SPON1: variants seen among roughly 807,000 people sequenced by gnomAD.
The protein encoded by SPON1 is spondin-1.
SPON1 carries 52 observed loss-of-function variants against 111.7 expected under a neutral mutation model. The observed-to-expected ratio is 0.47, with a 90% CI of 0.37 to 0.59. SPON1 has a LOEUF of 0.59. Ranked by LOEUF, SPON1 falls within the 20% of genes least tolerant of loss-of-function variation. The probability of loss-of-function intolerance (pLI) is 0.00; values close to 1 mark genes in which losing one functional copy is unlikely to be tolerated. For synonymous variants in SPON1, 410 were observed against 395.8 expected (o/e 1.04, Z -0.43); for missense variants, 957 against 1,068.5 (o/e 0.90, Z 1.46).
rs569003997 is a variant in SPON1 at position 13,963,223 on chromosome 11, C to A, written c.238+81C>A. The A allele has an allele frequency of 3.8e-5, 43 of 1,133,526 alleles. No individual in the cohort carries two copies. The South Asian group carries it at 6.8e-4, about 18-fold the overall frequency. The allele number at this position is 1,133,526 out of a possible 1,614,324, so 70.2% of individuals were successfully genotyped here. ...CCGACCTCGCGGTGCCGGAGGAGGGCGCGCGGTCTCCGGGCGCGTGGCGCG... is the reference window on the plus strand; with the variant it reads ...CCGACCTCGCGGTGCCGGAGGAGGGAGCGCGGTCTCCGGGCGCGTGGCGCG... On this transcript the variant is annotated intron_variant, in intron 1 of 15. Transcript: ENST00000576479.
chr11:13,981,261 G>A (rs551784117), intron 1 of SPON1, among the ~76,000 whole-genome samples: 3 of 152,292 alleles, frequency 2.0e-5, no homozygotes, highest in Admixed American at 1.3e-4. Context: ...GAGACTGGGG[G>A]TCCAATGGGA....
intron 6 of SPON1, among the ~76,000 whole-genome samples, chr11:14,152,685 A>G (rs562014583): frequency 1.3e-5 from 2 of 152,362 alleles, no homozygotes; most frequent in African/African-American, 4.8e-5. Context: ...ATATGTAACC[A>G]AGAAACACAG....
chr11:14,047,072 G>C (rs11023064), intron 3 of SPON1, among the ~76,000 whole-genome samples: 50,046 of 151,932 alleles, frequency 0.33, 9,156 homozygotes, highest in Non-Finnish European at 0.42. Context: ...GAACTCTCTT[G>C]GTAGTTCTAC....
intron 6 of SPON1, among the ~76,000 whole-genome samples, chr11:14,173,387 C>G (rs894073107): frequency 6.6e-6 from 1 of 152,096 alleles, no homozygotes; most frequent in East Asian, 1.9e-4. Flanking sequence ...TCTAGTTAGC[C>G]ATTCATCTAA....
chr11:14,066,739 G>A (rs1380930338), intron 3 of SPON1, among the ~76,000 whole-genome samples: 2 of 152,152 alleles, frequency 1.3e-5, no homozygotes, highest in Non-Finnish European at 2.9e-5. Flanking sequence ...TCTCTGGGAT[G>A]TAAACTTGAA....
intron 6 of SPON1, among the ~76,000 whole-genome samples, chr11:14,184,060 A>C (rs1347790127): frequency 6.6e-6 from 1 of 152,200 alleles, no homozygotes; most frequent in Admixed American, 6.5e-5. Flanking sequence ...TATGTCAAAC[A>C]TCCAGCCCAC....
At chr11:13,985,199 G>T (rs1394267664) in intron 2 of SPON1, among the ~76,000 whole-genome samples, 2 of 152,132 alleles carry the variant, frequency 1.3e-5, no homozygotes, top group Non-Finnish European at 2.9e-5. Context: ...CCTCTAACAG[G>T]ATGTCGTCCA....
At chr11:14,146,576 C>A (rs1847722077) in intron 6 of SPON1, among the ~76,000 whole-genome samples, 1 of 152,090 alleles carries the variant, frequency 6.6e-6, no homozygotes, top group African/African-American at 2.4e-5. Context: ...CCTCAAAAAT[C>A]CCAGATAATT....
intron 2 of SPON1, among the ~76,000 whole-genome samples, chr11:14,010,572 A>AAGC (rs1186751469): frequency 6.6e-6 from 1 of 152,208 alleles, no homozygotes; most frequent in Non-Finnish European, 1.5e-5. Flanking sequence ...GGCCTAGGCC[A>AAGC]AGCAGGTGAC....
chr11:14,091,669 G>C (rs371944963), intron 5 of SPON1, among the ~76,000 whole-genome samples: 3 of 152,044 alleles, frequency 2.0e-5, no homozygotes, highest in Non-Finnish European at 4.4e-5. Context: ...CAGCTGGCTC[G>C]CAAGTGCCGC....
At chr11:14,168,092 T>C (rs1219019885) in intron 6 of SPON1, among the ~76,000 whole-genome samples, 2 of 152,184 alleles carry the variant, frequency 1.3e-5, no homozygotes, top group East Asian at 1.9e-4. Context: ...CTACATATTA[T>C]ACTGTTAACT....
At chr11:14,244,008 C>T (rs1848960112) in intron 7 of SPON1, among the ~76,000 whole-genome samples, 1 of 152,174 alleles carries the variant, frequency 6.6e-6, no homozygotes, top group Non-Finnish European at 1.5e-5. Flanking sequence ...TTCAAACAAA[C>T]CTGCTGTTCT....
At chr11:14,142,416 C>A (rs946140706) in intron 6 of SPON1, among the ~76,000 whole-genome samples, 1 of 152,192 alleles carries the variant, frequency 6.6e-6, no homozygotes, top group Admixed American at 6.5e-5. Flanking sequence ...CCCAAGCCTG[C>A]CCCTCCTATC....
chr11:14,141,027 C>G (rs528951187), intron 6 of SPON1, among the ~76,000 whole-genome samples: 2 of 126,536 alleles, frequency 1.6e-5, no homozygotes, highest in Admixed American at 7.9e-5. Context: ...GCGTGCCCCC[C>G]CCATGCCCCA....
chr11:14,132,277 CA>C (rs58661236), intron 5 of SPON1, among the ~76,000 whole-genome samples: 53 of 137,770 alleles, frequency 3.8e-4, no homozygotes, highest in Middle Eastern at 3.8e-3. Context: ...GACTCCGTCT[CA>C]AAAAAAAAAA....
chr11:13,998,845 T>G (rs540212078), intron 2 of SPON1, among the ~76,000 whole-genome samples: 2 of 152,384 alleles, frequency 1.3e-5, no homozygotes, highest in African/African-American at 4.8e-5. Context: ...TCTAAAGGTC[T>G]AGAAATCATT....
At chr11:14,041,778 C>A in intron 3 of SPON1, 124 bp downstream of exon 3, 1 of 1,070,426 alleles carries the variant, frequency 9.3e-7, no homozygotes, top group Non-Finnish European at 1.3e-6. Context: ...CCTCCCTTAT[C>A]TGAATTCTCA....
intron 2 of SPON1, among the ~76,000 whole-genome samples, chr11:13,991,196 A>G (rs1244875100): frequency 6.6e-6 from 1 of 152,188 alleles, no homozygotes; most frequent in Non-Finnish European, 1.5e-5. Flanking sequence ...TCTCCCCGTC[A>G]CTTTCAGGTA....
At chr11:14,063,131 A>G (rs1848804307) in intron 3 of SPON1, among the ~76,000 whole-genome samples, 1 of 152,194 alleles carries the variant, frequency 6.6e-6, no homozygotes. Context: ...ATGGAAATGT[A>G]CATGTTACAT....
Sources: allele counts gnomAD v4.1 joint callset (sites outside exome capture counted in the v4.1 genomes callset), GRCh38; gene constraint gnomAD v4.1.1; transcripts MANE v1.5; gene names NCBI Gene and HGNC (gene_info 2026-07-23, HGNC 2026-07-21).